The following ESYT2 variants were observed in gnomAD, a reference collection of about 807,000 sequenced individuals.
The protein encoded by ESYT2 is extended synaptotagmin 2.
A neutral mutation model predicts 107.2 loss-of-function variants in ESYT2; 54 were observed. That is an observed-to-expected ratio of 0.50 (90% CI 0.40 to 0.63). ESYT2 has a LOEUF of 0.63. Ranked by LOEUF, ESYT2 falls within the 30% of genes least tolerant of loss-of-function variation. The probability of loss-of-function intolerance (pLI) is 0.00; values close to 1 mark genes in which losing one functional copy is unlikely to be tolerated. For synonymous variants in ESYT2, 491 were observed against 434.1 expected, an observed-to-expected ratio of 1.13 and a Z score of -1.63; for missense variants, 1,020 against 1,094.5, an observed-to-expected ratio of 0.93 and a Z score of 0.96.
intron 6 of ESYT2, among the ~76,000 whole-genome samples, chr7:158,783,733 C>G (rs1005184331): frequency 2.0e-5 from 3 of 152,206 alleles, no homozygotes; most frequent in African/African-American, 7.2e-5. Flanking sequence ...GTGGGTGAGT[C>G]AGAGAACCAC....
chr7:158,731,192 G>A lies in ESYT2; in HGVS notation c.*3015C>T, dbSNP rs1836734390. On this transcript the variant is annotated 3_prime_UTR_variant, in exon 23 of 23. Coordinates refer to ENST00000275418, the MANE Select transcript of ESYT2 (RefSeq NM_001367773.1). ...ACAGCTACACACAGGCCTGCATTTGGCTTATGTGCCTGAAAAAGAAGGGCC... is the reference window on the plus strand; with the variant it reads ...ACAGCTACACACAGGCCTGCATTTGACTTATGTGCCTGAAAAAGAAGGGCC... 6.6e-6 allele frequency: 1 copy of A among 152,182 alleles called. No individual in the cohort carries two copies. The highest frequency in any genetic ancestry group is 1.9e-4 in the East Asian group (1 of 5,200). 9.4% of individuals were successfully genotyped at this position (152,182 alleles called of 1,614,324 possible).
intron 7 of ESYT2, 101 bp from the exon 8 acceptor site, chr7:158,767,875 T>C (rs1838217504): frequency 7.2e-7 from 1 of 1,389,944 alleles, no homozygotes; most frequent in Non-Finnish European, 9.7e-7. Flanking sequence ...GTAAGTCCCA[T>C]TTATTTACAG....
At chr7:158,786,846 T>G (rs1839131842) in intron 6 of ESYT2, among the ~76,000 whole-genome samples, 1 of 152,236 alleles carries the variant, frequency 6.6e-6, no homozygotes, top group African/African-American at 2.4e-5. Context: ...CTTGCATCAT[T>G]CATTTGCCAG....
At chr7:158,770,682 T>C (rs1838333544) in intron 7 of ESYT2, among the ~76,000 whole-genome samples, 6 of 149,136 alleles carry the variant, frequency 4.0e-5, no homozygotes, top group Admixed American at 4.0e-4. Context: ...GCCCGGCTAA[T>C]TTTTTTGTAT....
intron 6 of ESYT2, among the ~76,000 whole-genome samples, chr7:158,787,044 T>C (rs1839137647): frequency 6.6e-6 from 1 of 152,060 alleles, no homozygotes; most frequent in Non-Finnish European, 1.5e-5. Context: ...GACAACCATA[T>C]GGGCAGTGTG....
chr7:158,783,296 T>A (rs1467788098), intron 6 of ESYT2, among the ~76,000 whole-genome samples: 7 of 152,098 alleles, frequency 4.6e-5, no homozygotes, highest in African/African-American at 1.7e-4. Context: ...CCCTAATCCG[T>A]TGTGACGGGT....
At chr7:158,736,047 C>T (rs1055056886) in intron 20 of ESYT2, among the ~76,000 whole-genome samples, 3 of 152,220 alleles carry the variant, frequency 2.0e-5, no homozygotes, top group Non-Finnish European at 2.9e-5. Flanking sequence ...CTTGCAGCTT[C>T]GCAGGAGGGA....
intron 1 of ESYT2, among the ~76,000 whole-genome samples, chr7:158,805,468 G>A (rs556156631): frequency 6.6e-6 from 1 of 152,262 alleles, no homozygotes; most frequent in Admixed American, 6.5e-5. Context: ...TCACAGTATG[G>A]TCAAATTACT....
At chr7:158,749,262 G>A (rs1012178982) in intron 15 of ESYT2, among the ~76,000 whole-genome samples, 3 of 150,476 alleles carry the variant, frequency 2.0e-5, no homozygotes, top group Admixed American at 6.6e-5. Flanking sequence ...ACCCGGCACC[G>A]CACCCGGCAC....
chr7:158,752,658 C>A, intron 14 of ESYT2, 123 bp downstream of exon 14: 2 of 523,014 alleles, frequency 3.8e-6, no homozygotes, highest in Non-Finnish European at 3.0e-6. Context: ...AGGGTCTCTT[C>A]CACTAGACAA....
intron 1 of ESYT2, among the ~76,000 whole-genome samples, chr7:158,813,896 C>T (rs996568282): frequency 9.9e-5 from 15 of 152,106 alleles, no homozygotes; most frequent in African/African-American, 3.1e-4. Flanking sequence ...TTCCTCGTCC[C>T]GATGACTCTC....
intron 4 of ESYT2, among the ~76,000 whole-genome samples, chr7:158,790,008 C>T (rs756335423): frequency 1.5e-4 from 23 of 152,024 alleles, no homozygotes; most frequent in Non-Finnish European, 3.4e-4. Flanking sequence ...CTCACGAAGC[C>T]TGGTATCAGC....
At chr7:158,799,362 A>G (rs749214282) in intron 1 of ESYT2, among the ~76,000 whole-genome samples, 1 of 152,212 alleles carries the variant, frequency 6.6e-6, no homozygotes, top group Non-Finnish European at 1.5e-5. Context: ...GGAATCTGAA[A>G]CATCATAAAT....
intron 13 of ESYT2, among the ~76,000 whole-genome samples, chr7:158,755,166 G>T (rs943191305): frequency 6.6e-6 from 1 of 152,182 alleles, no homozygotes; most frequent in Admixed American, 6.5e-5. Context: ...CCTGGAGCTG[G>T]AATTCAAGGT....
At chr7:158,788,193 G>A (rs945033145) in intron 5 of ESYT2, 100 bp from the exon 6 acceptor site, 3 of 1,198,776 alleles carry the variant, frequency 2.5e-6, no homozygotes, top group East Asian at 2.4e-5. Flanking sequence ...TTTTGAGCAT[G>A]TGACTTCTTA....
Position 158,788,346 on chromosome 7 carries a change from T to G in ESYT2, c.656A>C (p.Gln219Pro). Residue 219 changes from glutamine to proline, a missense_variant and splice_region_variant, in exon 5 of 23, where the codon CAG (glutamine) becomes CCG (proline). By Grantham distance (76) the Gln-to-Pro change is moderately conservative (BLOSUM62 -1). Transcript: ENST00000275418. ...YFCRAGVKSIQIHGTMRVILE... is the reference protein window; with the variant it reads ...YFCRAGVKSIPIHGTMRVILE... Reference sequence around the variant, plus strand: ...AAAACAAAAAAACAAAAAACTTACCTGGATACTTTTCACACCAGCTCTACA... The same window carrying G: ...AAAACAAAAAAACAAAAAACTTACCGGGATACTTTTCACACCAGCTCTACA... The G allele has an allele frequency of 6.2e-7, 1 of 1,608,070 alleles. No homozygotes were observed. The highest frequency in any genetic ancestry group is 8.5e-7 in the Non-Finnish European group (1 of 1,178,290).
At chr7:158,760,856 G>C (rs536467747) in intron 11 of ESYT2, among the ~76,000 whole-genome samples, 45 of 152,300 alleles carry the variant, frequency 3.0e-4, no homozygotes, top group African/African-American at 1.0e-3. Context: ...GGCACACCCA[G>C]GAAAACGAGA....
chr7:158,767,831 T>C, intron 7 of ESYT2, 57 bp from the exon 8 acceptor site: 1 of 1,567,236 alleles, frequency 6.4e-7, no homozygotes, highest in Non-Finnish European at 8.7e-7. Context: ...AATGCTTCTC[T>C]CACCTTTGAC....
At chr7:158,766,947 A>G (rs1218165422) in intron 8 of ESYT2, among the ~76,000 whole-genome samples, 1 of 152,192 alleles carries the variant, frequency 6.6e-6, no homozygotes, top group African/African-American at 2.4e-5. Flanking sequence ...AAGGAATCTC[A>G]TGTTCTTGAC....
Sources: gnomAD v4.1 joint callset for allele counts (sites outside exome capture counted in the v4.1 genomes callset) on GRCh38, gnomAD v4.1.1 for gene constraint, MANE v1.5 for transcripts, NCBI Gene and HGNC (gene_info 2026-07-23, HGNC 2026-07-21) for gene names.